The following MEOX2 variants were observed in gnomAD, a reference collection of about 807,000 sequenced individuals.
MEOX2 encodes the protein mesenchyme homeobox 2.
In MEOX2, 11 loss-of-function variants were observed where a neutral mutation model predicts 27.0. The ratio of observed to expected loss-of-function variants is 0.41; its 90% CI spans 0.26 to 0.68. The LOEUF (loss-of-function observed/expected upper bound fraction) is 0.68, where lower values mean the gene tolerates loss of function less well. Among genes scored for constraint, MEOX2 ranks in the 30% least tolerant of loss-of-function variants. MEOX2 has a pLI of 0.33. For synonymous variants in MEOX2, 189 were observed against 155.4 expected (o/e 1.22, Z -1.61); for missense variants, 436 against 385.4 (o/e 1.13, Z -1.10).
intron 1 of MEOX2, among the ~76,000 whole-genome samples, chr7:15,635,227 G>A (rs544993197): frequency 3.7e-4 from 56 of 152,024 alleles, no homozygotes; most frequent in African/African-American, 1.2e-3. Context: ...ATGTTCCTAG[G>A]CCTAAGTGTC....
At chr7:15,634,074 T>C (rs1057323450) in intron 1 of MEOX2, among the ~76,000 whole-genome samples, 6 of 151,920 alleles carry the variant, frequency 3.9e-5, no homozygotes, top group African/African-American at 1.2e-4. Flanking sequence ...TTTATAACGA[T>C]ATCTCCAAAC....
intron 2 of MEOX2, among the ~76,000 whole-genome samples, chr7:15,619,619 C>T: frequency 6.6e-6 from 1 of 151,832 alleles, no homozygotes; most frequent in East Asian, 1.9e-4. Context: ...TATGCAAACA[C>T]ATACACACAT....
chr7:15,659,708 C>G (rs1781880156), intron 1 of MEOX2, among the ~76,000 whole-genome samples: 1 of 137,656 alleles, frequency 7.3e-6, no homozygotes, highest in Non-Finnish European at 1.5e-5. Context: ...TGTAGTGAGC[C>G]GAGATCGCGT....
At chr7:15,651,209 GA>G (rs2115377107) in intron 1 of MEOX2, among the ~76,000 whole-genome samples, 1 of 152,082 alleles carries the variant, frequency 6.6e-6, no homozygotes, top group African/African-American at 2.4e-5. Flanking sequence ...ATGTATAAAT[GA>G]AATGTGATAT....
rs531409123 is a variant in MEOX2 at position 15,683,810 on chromosome 7, C to T, written c.517+2076G>A. 2.6e-5 allele frequency among the ~76,000 whole-genome samples: 4 copies of T among 152,146 alleles called. No individual in the cohort carries two copies. The East Asian group carries it at 7.7e-4, about 29-fold the overall frequency. On this transcript the variant is annotated intron_variant, in intron 1 of 2. Transcript: ENST00000262041. ...CATTCTAAATCCCCAGTATTTTTATCCTTGGTGATGACTAATTGTACTTTC... is the reference window on the plus strand; with the variant it reads ...CATTCTAAATCCCCAGTATTTTTATTCTTGGTGATGACTAATTGTACTTTC...
chr7:15,664,693 C>T (rs551103344), intron 1 of MEOX2, among the ~76,000 whole-genome samples: 14 of 152,288 alleles, frequency 9.2e-5, no homozygotes, highest in South Asian at 2.1e-4. Context: ...TCTCTTCAAA[C>T]GTCCTATGTT....
intron 1 of MEOX2, among the ~76,000 whole-genome samples, chr7:15,662,928 C>T (rs894193217): frequency 4.6e-5 from 7 of 152,114 alleles, no homozygotes; most frequent in Non-Finnish European, 8.8e-5. Flanking sequence ...AGGTCAAAGT[C>T]TAAGTTATTA....
chr7:15,646,824 G>C (rs1399796024), intron 1 of MEOX2, among the ~76,000 whole-genome samples: 5 of 151,830 alleles, frequency 3.3e-5, no homozygotes, highest in Admixed American at 1.3e-4. Context: ...TCTTCTCTAA[G>C]GTGACAGTTG....
At chr7:15,652,154 C>G (rs899502277) in intron 1 of MEOX2, among the ~76,000 whole-genome samples, 7 of 152,002 alleles carry the variant, frequency 4.6e-5, no homozygotes, top group Admixed American at 1.3e-4. Flanking sequence ...TTTCGTTTGA[C>G]TTTTCTGAAA....
chr7:15,644,382 C>T (rs1337950153), intron 1 of MEOX2, among the ~76,000 whole-genome samples: 1 of 152,138 alleles, frequency 6.6e-6, no homozygotes, highest in Non-Finnish European at 1.5e-5. Flanking sequence ...CTCTTTTACC[C>T]CTTATGATAG....
chr7:15,627,388 A>G (rs1781329260), intron 1 of MEOX2, among the ~76,000 whole-genome samples: 1 of 152,122 alleles, frequency 6.6e-6, no homozygotes, highest in Non-Finnish European at 1.5e-5. Flanking sequence ...TTATGCTCAG[A>G]CTGAGCGTAT....
intron 1 of MEOX2, among the ~76,000 whole-genome samples, chr7:15,645,980 G>A (rs1289062743): frequency 6.6e-6 from 1 of 152,094 alleles, no homozygotes; most frequent in Non-Finnish European, 1.5e-5. Flanking sequence ...ATAAGTAGAT[G>A]CCTAATACTC....
intron 1 of MEOX2, among the ~76,000 whole-genome samples, chr7:15,634,541 T>A (rs1781452810): frequency 6.6e-6 from 1 of 152,014 alleles, no homozygotes; most frequent in Non-Finnish European, 1.5e-5. Context: ...ATCTGTAGTT[T>A]AATTGGTTAA....
At chr7:15,663,542 T>C (rs1781949645) in intron 1 of MEOX2, among the ~76,000 whole-genome samples, 1 of 151,900 alleles carries the variant, frequency 6.6e-6, no homozygotes, top group Admixed American at 6.6e-5. Context: ...GGCTTCACCA[T>C]GTTGGTCAGG....
intron 1 of MEOX2, among the ~76,000 whole-genome samples, chr7:15,651,044 A>G (rs1490171272): frequency 6.6e-6 from 1 of 152,022 alleles, no homozygotes; most frequent in Non-Finnish European, 1.5e-5. Flanking sequence ...GGAAACAAGG[A>G]CGTGGAGCAA....
rs1237651295 is a variant in MEOX2, at chr7:15,686,160, C to A, written c.243G>T (p.Gln81His). 6.4e-6 allele frequency: 10 copies of A among 1,563,600 alleles called. No individual in the cohort carries two copies. The highest frequency in any genetic ancestry group is 1.7e-4 in the Middle Eastern group (1 of 6,010). Residue 81 changes from glutamine (Q) to histidine (H), a missense_variant, in exon 1 of 3, where the codon CAG (glutamine) becomes CAT (histidine). Coordinates refer to ENST00000262041, the MANE Select transcript of MEOX2 (RefSeq NM_005924.5). ...HHHHHHHHHH[Q>H]QQQHQALQTN... ...TTTGCAGAGCCTGGTGCTGCTGCTG[C>A]TGATGGTGGTGATGGTGGTGGTGGT...
intron 1 of MEOX2, among the ~76,000 whole-genome samples, chr7:15,650,084 CCAGTCCAG>C (rs1781712546): frequency 6.6e-6 from 1 of 152,050 alleles, no homozygotes. Context: ...AGAGTTCTCA[CCAGTCCAG>C]CTCTTCTAAT....
At chr7:15,680,197 A>T (rs986465196) in intron 1 of MEOX2, 1 of 151,938 alleles carries the variant, frequency 6.6e-6, no homozygotes, top group African/African-American at 2.4e-5. Flanking sequence ...ATGTCAAGAG[A>T]TTTTAAATGA....
At chr7:15,628,837 T>A (rs1180291887) in intron 1 of MEOX2, among the ~76,000 whole-genome samples, 1 of 152,122 alleles carries the variant, frequency 6.6e-6, no homozygotes, top group African/African-American at 2.4e-5. Context: ...TTGATTTTTT[T>A]AAACTTTTCC....
Sources: gnomAD v4.1 joint callset for allele counts (sites outside exome capture counted in the v4.1 genomes callset) on GRCh38, gnomAD v4.1.1 for gene constraint, MANE v1.5 for transcripts, NCBI Gene and HGNC (gene_info 2026-07-23, HGNC 2026-07-21) for gene names.